Variants in COP1 observed in about 807,000 individuals in gnomAD.
COP1 encodes E3 ubiquitin-protein ligase COP1.
In COP1, 24 loss-of-function variants were observed where a neutral mutation model predicts 101.3. The observed-to-expected ratio is 0.24, with a 90% CI of 0.17 to 0.33. The LOEUF is 0.33. Among genes scored for constraint, COP1 ranks in the 10% least tolerant of loss-of-function variants. The probability of loss-of-function intolerance (pLI) is 1.00; values close to 1 mark genes in which losing one functional copy is unlikely to be tolerated. For missense variants in COP1, 663 were observed against 906.2 expected, an observed-to-expected ratio of 0.73 and a Z score of 3.45; for synonymous variants, 347 against 341.9, an observed-to-expected ratio of 1.01 and a Z score of -0.17.
intron 3 of COP1, among the ~76,000 whole-genome samples, chr1:176,171,967 C>G (rs910837837): frequency 6.6e-6 from 1 of 151,970 alleles, no homozygotes; most frequent in Non-Finnish European, 1.5e-5. Context: ...TAGATTCCAC[C>G]GGTTACATTT....
intron 6 of COP1, among the ~76,000 whole-genome samples, chr1:176,139,288 C>CAAAAAA (rs563184945): frequency 9.2e-6 from 1 of 108,384 alleles, no homozygotes; most frequent in African/African-American, 3.2e-5. Flanking sequence ...ACAAAAAAAA[C>CAAAAAA]AAAAAAAAAA....
At chr1:176,085,685 C>T in intron 10 of COP1, 91 bp downstream of exon 10, 1 of 642,814 alleles carries the variant, frequency 1.6e-6, no homozygotes, top group Admixed American at 2.5e-5. Context: ...TTTTGCTTTG[C>T]AATTAGGACT....
intron 12 of COP1, among the ~76,000 whole-genome samples, chr1:176,044,992 A>G (rs965011134): frequency 6.6e-6 from 1 of 152,218 alleles, no homozygotes; most frequent in Non-Finnish European, 1.5e-5. Context: ...ATCCTATTAA[A>G]TAAGTATTAC....
chr1:176,200,725 ATTGT>A (rs1700181650), intron 1 of COP1, among the ~76,000 whole-genome samples: 1 of 151,756 alleles, frequency 6.6e-6, no homozygotes, highest in Non-Finnish European at 1.5e-5. Context: ...CAGTGAATAT[ATTGT>A]TTGAGAAAGT....
intron 1 of COP1, chr1:176,206,250 T>C: frequency 3.0e-6 from 1 of 335,914 alleles, no homozygotes; most frequent in South Asian, 3.6e-5. Flanking sequence ...TCAACCTCTC[T>C]GCCAACTTTG....
intron 4 of COP1, 139 bp from the exon 5 acceptor site, chr1:176,163,127 T>G: frequency 1.3e-6 from 1 of 762,346 alleles, no homozygotes; most frequent in East Asian, 3.1e-5. Context: ...AAACTACCCC[T>G]TCCTAGCTAG....
At chr1:176,158,890 C>T (rs1180205026) in intron 5 of COP1, among the ~76,000 whole-genome samples, 1 of 152,134 alleles carries the variant, frequency 6.6e-6, no homozygotes, top group Non-Finnish European at 1.5e-5. Context: ...ATCCACCCAC[C>T]TCGGCCTCCC....
chr1:176,158,944 G>A (rs530280671), intron 5 of COP1, among the ~76,000 whole-genome samples: 10 of 152,000 alleles, frequency 6.6e-5, no homozygotes, highest in Non-Finnish European at 1.0e-4. Context: ...CCTGGCCTAA[G>A]GTTCTTGTAA....
intron 1 of COP1, among the ~76,000 whole-genome samples, chr1:176,191,134 T>A (rs1246844059): frequency 6.6e-6 from 1 of 152,058 alleles, no homozygotes; most frequent in Non-Finnish European, 1.5e-5. Context: ...CTAAACCTCA[T>A]AATCTTATAG....
intron 15 of COP1, among the ~76,000 whole-genome samples, chr1:176,015,691 G>A (rs1665502330): frequency 6.6e-6 from 1 of 152,168 alleles, no homozygotes; most frequent in Non-Finnish European, 1.5e-5. Context: ...TGACTGCAGG[G>A]AAAGCAACAA....
At chr1:176,001,669 A>T (rs1661637767) in intron 15 of COP1, among the ~76,000 whole-genome samples, 1 of 152,138 alleles carries the variant, frequency 6.6e-6, no homozygotes, top group Non-Finnish European at 1.5e-5. Context: ...CTTTTTATAT[A>T]CCGATATGAT....
intron 14 of COP1, among the ~76,000 whole-genome samples, chr1:176,040,996 A>T (rs892738165): frequency 6.6e-6 from 1 of 152,336 alleles, no homozygotes; most frequent in Middle Eastern, 3.4e-3. Context: ...GAAAAACAGA[A>T]AACAGTGAAT....
At chr1:176,192,848 T>C (rs1009384561) in intron 1 of COP1, among the ~76,000 whole-genome samples, 2 of 151,354 alleles carry the variant, frequency 1.3e-5, no homozygotes, top group Admixed American at 1.3e-4. Context: ...GATGTGTTCC[T>C]TGTATCCCTA....
At position 176,078,057 on chromosome 1, in the gene COP1, A is replaced by C. The variant is rs115970875; in HGVS notation, c.1277+3095T>G. On this transcript the variant is annotated intron_variant, in intron 11 of 19. Transcript: ENST00000367669. ...GATTTGGAAGAATCGATATTGCTAA[A>C]ATGGCAATATTGTTCAAAGCAATTT... is the stretch of plus-strand genomic sequence containing the variant. Among the ~76,000 whole-genome samples the C allele has an allele frequency of 6.2e-3, 945 of 152,320 alleles. 14 individuals carry two copies. Among genetic ancestry groups the C allele is most frequent in the African/African-American group, 0.021 (892 of 41,558 alleles).
intron 14 of COP1, among the ~76,000 whole-genome samples, chr1:176,037,978 T>C (rs758620793): frequency 1.3e-5 from 2 of 152,144 alleles, no homozygotes; most frequent in Non-Finnish European, 2.9e-5. Flanking sequence ...AGGCATACAG[T>C]TGAAAATGAA....
At chr1:175,970,749 ATAAC>A (rs1254873399) in intron 18 of COP1, among the ~76,000 whole-genome samples, 2 of 152,236 alleles carry the variant, frequency 1.3e-5, no homozygotes, top group Admixed American at 6.5e-5. Context: ...AATAGATTAA[ATAAC>A]TAACAAGTTC....
At chr1:176,007,214 T>A (rs950514376) in intron 15 of COP1, among the ~76,000 whole-genome samples, 1 of 152,196 alleles carries the variant, frequency 6.6e-6, no homozygotes, top group Non-Finnish European at 1.5e-5. Flanking sequence ...TAAGCACTTC[T>A]CTATATTGGT....
chr1:176,134,735 A>T (rs1313206498), intron 8 of COP1, among the ~76,000 whole-genome samples: 7 of 152,066 alleles, frequency 4.6e-5, no homozygotes, highest in Non-Finnish European at 8.8e-5. Flanking sequence ...TTAATTCACA[A>T]GATATTTAAA....
At chr1:176,197,463 A>C (rs959994652) in intron 1 of COP1, among the ~76,000 whole-genome samples, 3 of 152,184 alleles carry the variant, frequency 2.0e-5, no homozygotes, top group African/African-American at 7.2e-5. Flanking sequence ...GAATCTGCCT[A>C]CACATTGTTT....
Sources: allele counts gnomAD v4.1 joint callset (sites outside exome capture counted in the v4.1 genomes callset), GRCh38; gene constraint gnomAD v4.1.1; transcripts MANE v1.5; gene names NCBI Gene and HGNC (gene_info 2026-07-23, HGNC 2026-07-21).